PDE9A: variants seen among roughly 807,000 people sequenced by gnomAD.
The protein encoded by PDE9A is phosphodiesterase 9A.
Under a neutral mutation model 87.4 loss-of-function variants are expected in PDE9A, and 60 were observed. The ratio of observed to expected loss-of-function variants is 0.69; its 90% CI spans 0.56 to 0.85. The LOEUF is 0.85. PDE9A is among the 40% of genes least tolerant of loss of function. The pLI, the probability that PDE9A is intolerant of heterozygous loss-of-function variation, is 0.00. For synonymous variants in PDE9A, 272 were observed against 279.4 expected, an observed-to-expected ratio of 0.97 and a Z score of 0.27; for missense variants, 665 against 779.0, an observed-to-expected ratio of 0.85 and a Z score of 1.74.
intron 1 of PDE9A, among the ~76,000 whole-genome samples, chr21:42,661,876 G>A (rs929885802): frequency 6.6e-6 from 1 of 152,204 alleles, no homozygotes. Flanking sequence ...GGAAGGGTAG[G>A]GGGCTGCCCA....
rs182050693 is a variant in PDE9A at position 42,712,508 on chromosome 21, A to C, written c.262+13497A>C. Among the ~76,000 whole-genome samples the C allele has an allele frequency of 3.0e-3, 463 of 152,220 alleles. 3 individuals are homozygous for C. The highest frequency in any genetic ancestry group is 0.011 in the African/African-American group (451 of 41,524). ...TATTGCATTCCAATTTTTGGCTTTTATTTCTTTTACTTGTCTTGTTGTACT... is the reference window on the plus strand; with the variant it reads ...TATTGCATTCCAATTTTTGGCTTTTCTTTCTTTTACTTGTCTTGTTGTACT... On this transcript the variant is annotated intron_variant, in intron 4 of 19. Transcript: ENST00000291539.
At chr21:42,710,846 G>T (rs907827004) in intron 4 of PDE9A, among the ~76,000 whole-genome samples, 2 of 152,110 alleles carry the variant, frequency 1.3e-5, no homozygotes, top group Non-Finnish European at 1.5e-5. Context: ...AAATTAGCTG[G>T]GTGTGGTGGC....
chr21:42,665,924 T>A (rs958657396), intron 1 of PDE9A, among the ~76,000 whole-genome samples: 1 of 152,236 alleles, frequency 6.6e-6, no homozygotes, highest in Non-Finnish European at 1.5e-5. Flanking sequence ...TGGGCACCTC[T>A]GCGCCATGAG....
At chr21:42,750,564 C>CT (rs984907132) in intron 8 of PDE9A, among the ~76,000 whole-genome samples, 1 of 68,018 alleles carries the variant, frequency 1.5e-5, no homozygotes, top group Non-Finnish European at 3.5e-5. Context: ...CAACATCTGA[C>CT]TTTTTTTTCT....
intron 10 of PDE9A, chr21:42,758,745 T>G: frequency 4.5e-6 from 2 of 446,160 alleles, no homozygotes; most frequent in Non-Finnish European, 4.1e-6. Flanking sequence ...CGCCCCAGGA[T>G]CCACCTGCCA....
chr21:42,718,947 T>C (rs1318429126), intron 4 of PDE9A, among the ~76,000 whole-genome samples: 1 of 151,864 alleles, frequency 6.6e-6, no homozygotes, highest in Non-Finnish European at 1.5e-5. Flanking sequence ...TCACTGATCA[T>C]CTGAACTTCG....
rs2050776834 is a variant in PDE9A, at chr21:42,723,972, C to A, written c.263-7798C>A. Among the ~76,000 whole-genome samples, 1 of 152,198 alleles carries A rather than the reference C, an allele frequency of 6.6e-6. No homozygotes were observed. The highest frequency in any genetic ancestry group is 2.1e-4 in the South Asian group (1 of 4,832). On this transcript the variant is annotated intron_variant, in intron 4 of 19. Coordinates refer to ENST00000291539, the MANE Select transcript of PDE9A (RefSeq NM_002606.3). The surrounding 1 kb of genome is among the most constrained non-coding windows in gnomAD (Gnocchi z 4.3). The stretch of plus-strand genomic sequence containing the variant: ...ATTTAGGAAAAAGAGGGAGGTGTCA[C>A]ACATAATATCAAATTTGGCTGACAC...
chr21:42,773,920 C>T (rs550685981), intron 19 of PDE9A, among the ~76,000 whole-genome samples: 75 of 150,832 alleles, frequency 5.0e-4, no homozygotes, highest in East Asian at 3.2e-3. Context: ...CTGGCTAACA[C>T]GGTGAAACCC....
At chr21:42,662,758 C>T (rs536242954) in intron 1 of PDE9A, among the ~76,000 whole-genome samples, 80 of 140,458 alleles carry the variant, frequency 5.7e-4, no homozygotes, top group African/African-American at 2.0e-3. Context: ...AGAACGCACA[C>T]CACACACAAG....
chr21:42,657,694 T>G lies in PDE9A; in HGVS notation c.69+3811T>G, dbSNP rs116114665. On this transcript the variant is annotated intron_variant, in intron 1 of 19. Transcript: ENST00000291539. ...TTCCGAATCGGGGAAGAGAGAGGCC[T>G]TTGGGACCCCTGGGCCAGGCTGTGG... is the stretch of plus-strand genomic sequence containing the variant. Among the ~76,000 whole-genome samples the G allele has an allele frequency of 3.8e-3, 575 of 152,288 alleles. 2 individuals carry two copies. Among genetic ancestry groups the G allele is most frequent in the African/African-American group, 0.013 (544 of 41,562 alleles).
chr21:42,663,787 G>A (rs994601069), intron 1 of PDE9A, among the ~76,000 whole-genome samples: 6 of 152,146 alleles, frequency 3.9e-5, no homozygotes, highest in Admixed American at 3.9e-4. Flanking sequence ...AGCATGCCAG[G>A]CCCCATCCTA....
At chr21:42,714,870 C>T (rs1375378639) in intron 4 of PDE9A, among the ~76,000 whole-genome samples, 1 of 144,150 alleles carries the variant, frequency 6.9e-6, no homozygotes, top group Non-Finnish European at 1.5e-5. Flanking sequence ...TTAGCTCTAC[C>T]AGTCTTTGTT....
chr21:42,759,360 C>T lies in PDE9A; in HGVS notation c.897+275C>T, dbSNP rs1294681380. Among the ~76,000 whole-genome samples, 1 of 151,314 alleles carries T rather than the reference C, an allele frequency of 6.6e-6. No homozygotes were observed. Among genetic ancestry groups the T allele is most frequent in the Admixed American group, 6.6e-5 (1 of 15,180 alleles). ...CCATCATCAAGCAAAGCAGCATGTC[C>T]TAAAGCAGCGGTGTGTGGGAGCGTG... On this transcript the variant is annotated intron_variant, in intron 11 of 19. Transcript: ENST00000291539. This position sits in a 1 kb window ranked among gnomAD's most constrained non-coding sequence, Gnocchi z 7.2.
At chr21:42,655,668 T>C (rs73377801) in intron 1 of PDE9A, among the ~76,000 whole-genome samples, 16,523 of 152,210 alleles carry the variant, frequency 0.11, 1,768 homozygotes, top group African/African-American at 0.27. Context: ...AAATCTGCTT[T>C]ATAGACTGGA....
intron 8 of PDE9A, among the ~76,000 whole-genome samples, chr21:42,746,350 C>G (rs148330609): frequency 1.3e-5 from 2 of 152,344 alleles, no homozygotes; most frequent in African/African-American, 4.8e-5. Context: ...CCACATAGTT[C>G]TGGAGGCCAC....
At chr21:42,666,815 C>A (rs1408906786) in intron 1 of PDE9A, among the ~76,000 whole-genome samples, 1 of 152,350 alleles carries the variant, frequency 6.6e-6, no homozygotes, top group African/African-American at 2.4e-5. Context: ...CCATAGCACC[C>A]GCTTTGGGAA....
chr21:42,670,917 C>G (rs985088228), intron 1 of PDE9A, among the ~76,000 whole-genome samples: 1 of 152,106 alleles, frequency 6.6e-6, no homozygotes, highest in Non-Finnish European at 1.5e-5. Context: ...CTTCCCATCC[C>G]TTTTCTTGCC....
chr21:42,754,963 G>A (rs150132486), intron 10 of PDE9A, among the ~76,000 whole-genome samples: 192 of 152,108 alleles, frequency 1.3e-3, no homozygotes, highest in African/African-American at 4.2e-3. Flanking sequence ...GCAAGACCTC[G>A]TCGCTACAAA....
chr21:42,686,370 C>T, intron 2 of PDE9A, 108 bp downstream of exon 2: 1 of 843,116 alleles, frequency 1.2e-6, no homozygotes, highest in Non-Finnish European at 2.0e-6. Context: ...AGGCACCGGC[C>T]TTCTACAAGG....
Sources: allele counts gnomAD v4.1 joint callset (sites outside exome capture counted in the v4.1 genomes callset), GRCh38; gene constraint gnomAD v4.1.1; non-coding constraint Gnocchi (gnomAD v3.1); transcripts MANE v1.5; gene names NCBI Gene and HGNC (gene_info 2026-07-23, HGNC 2026-07-21).